TRDN: variants seen among roughly 807,000 people sequenced by gnomAD.
TRDN encodes triadin in skeletal muscle.
In TRDN, 161 loss-of-function variants were observed where a neutral mutation model predicts 149.7. That is an observed-to-expected ratio of 1.08 (90% CI 0.95 to 1.23). The LOEUF (loss-of-function observed/expected upper bound fraction) is 1.23. Among genes scored for constraint, TRDN ranks in the 50% most tolerant of loss-of-function variants. TRDN has a pLI of 0.00. For synonymous variants in TRDN, 294 were observed against 250.5 expected (o/e 1.17, Z -1.64); for missense variants, 896 against 823.5 (o/e 1.09, Z -1.08).
intron 1 of TRDN, among the ~76,000 whole-genome samples, chr6:123,597,385 C>T (rs1784085901): frequency 6.6e-6 from 1 of 152,018 alleles, no homozygotes; most frequent in African/African-American, 2.4e-5. Flanking sequence ...GAATCTACTG[C>T]TGGTAAAGAT....
chr6:123,537,866 C>T (rs565862283), intron 4 of TRDN, among the ~76,000 whole-genome samples: 2 of 152,212 alleles, frequency 1.3e-5, no homozygotes, highest in South Asian at 2.1e-4. Flanking sequence ...TGCTTATGAT[C>T]GTTTTTATCT....
intron 10 of TRDN, among the ~76,000 whole-genome samples, chr6:123,448,669 A>G (rs1349518575): frequency 1.3e-5 from 2 of 150,270 alleles, no homozygotes; most frequent in Non-Finnish European, 3.0e-5. Flanking sequence ...GCAGAAGACA[A>G]AAGGCCACGC....
At position 123,410,569 on chromosome 6, in the gene TRDN, C is replaced by CT. The variant is rs1384713312; in HGVS notation, c.1052-16893dup. ...TTTATTGTGTATCCACAATAAGTGA[C>CT]TAGGGAATTTATGACAGCAACAGCA... On this transcript the variant is annotated intron_variant, in intron 12 of 40. Coordinates refer to ENST00000334268, the MANE Select transcript of TRDN (RefSeq NM_006073.4). 4.6e-5 allele frequency among the ~76,000 whole-genome samples: 7 copies of CT among 152,100 alleles called. No homozygotes were observed. The East Asian group carries it at 9.7e-4, about 21-fold the overall frequency.
intron 2 of TRDN, among the ~76,000 whole-genome samples, chr6:123,553,777 A>T (rs1201565013): frequency 6.6e-6 from 1 of 152,100 alleles, no homozygotes; most frequent in Non-Finnish European, 1.5e-5. Context: ...ATTCACTACC[A>T]CAAGAACAGT....
At chr6:123,343,152 C>T (rs979959500) in intron 21 of TRDN, among the ~76,000 whole-genome samples, 1 of 151,936 alleles carries the variant, frequency 6.6e-6, no homozygotes, top group Non-Finnish European at 1.5e-5. Context: ...TATTTAAATC[C>T]AATGTTTACC....
At chr6:123,608,783 T>C (rs1045646932) in intron 1 of TRDN, among the ~76,000 whole-genome samples, 3 of 152,082 alleles carry the variant, frequency 2.0e-5, no homozygotes, top group African/African-American at 7.2e-5. Flanking sequence ...ATGCTTAAAA[T>C]CATATGTCTT....
intron 2 of TRDN, among the ~76,000 whole-genome samples, chr6:123,564,776 C>T (rs1487062917): frequency 6.6e-6 from 1 of 152,144 alleles, no homozygotes; most frequent in Non-Finnish European, 1.5e-5. Flanking sequence ...ATGTGCCAGG[C>T]ATGTAGGTTT....
At chr6:123,257,960 C>T (rs891172941) in intron 35 of TRDN, among the ~76,000 whole-genome samples, 1 of 152,076 alleles carries the variant, frequency 6.6e-6, no homozygotes, top group African/African-American at 2.4e-5. Context: ...TATAGGATCG[C>T]TTGTGATTTT....
chr6:123,278,354 A>C lies in TRDN; in HGVS notation c.1538-7T>G, dbSNP rs1777452285. The C allele has an allele frequency of 7.8e-7, 1 of 1,280,588 alleles. No homozygotes were observed. Among genetic ancestry groups the C allele is most frequent in the Non-Finnish European group, 1.1e-6 (1 of 945,426 alleles). The allele number at this position is 1,280,588 out of a possible 1,614,324, so 79.3% of individuals were successfully genotyped here. A position where few individuals can be genotyped will look rare whatever the true frequency, so the allele number is the denominator to read the frequency against. ...TCCTTTTTTCCTTGTAGTTCTAAAA[A>C]TATAGATGAACATTAGTAACAATGA... On this transcript the variant is annotated splice_polypyrimidine_tract_variant and splice_region_variant and intron_variant, in intron 25 of 40. Transcript: ENST00000334268.
intron 33 of TRDN, among the ~76,000 whole-genome samples, chr6:123,260,967 G>T (rs1014842547): frequency 7.3e-5 from 11 of 151,664 alleles, no homozygotes; most frequent in South Asian, 6.2e-4. Flanking sequence ...CATTAATTTA[G>T]TGTGTGCATT....
At chr6:123,529,287 C>T (rs1464716022) in intron 5 of TRDN, 1 of 1,548,876 alleles carries the variant, frequency 6.5e-7, no homozygotes, top group South Asian at 1.2e-5. Flanking sequence ...AGAGCTGTGT[C>T]CAACTTCTGT....
chr6:123,484,206 A>T (rs890813585), intron 9 of TRDN, among the ~76,000 whole-genome samples: 1 of 152,182 alleles, frequency 6.6e-6, no homozygotes, highest in African/African-American at 2.4e-5. Flanking sequence ...GAAAATAGCC[A>T]ATTATTTATA....
intron 5 of TRDN, among the ~76,000 whole-genome samples, chr6:123,526,489 T>A (rs1232080815): frequency 6.6e-6 from 1 of 152,088 alleles, no homozygotes; most frequent in African/African-American, 2.4e-5. Flanking sequence ...AAGCCACATG[T>A]TCTTACGTTA....
At chr6:123,473,705 T>C (rs954015783) in intron 9 of TRDN, among the ~76,000 whole-genome samples, 2 of 151,330 alleles carry the variant, frequency 1.3e-5, no homozygotes, top group Admixed American at 1.3e-4. Flanking sequence ...AAAGGTCGGG[T>C]TACCCTCAAA....
intron 12 of TRDN, among the ~76,000 whole-genome samples, chr6:123,431,721 T>C (rs1377163001): frequency 6.6e-6 from 1 of 152,162 alleles, no homozygotes; most frequent in Non-Finnish European, 1.5e-5. Flanking sequence ...AATGTACACA[T>C]AAATATTTAA....
At chr6:123,457,543 T>G (rs938796846) in intron 10 of TRDN, 10 of 441,576 alleles carry the variant, frequency 2.3e-5, no homozygotes, top group African/African-American at 2.0e-4. Flanking sequence ...GAACTCTCAT[T>G]TCTTTCCCTT....
chr6:123,287,929 A>G (rs1281920861), intron 24 of TRDN, among the ~76,000 whole-genome samples: 1 of 151,990 alleles, frequency 6.6e-6, no homozygotes, highest in Non-Finnish European at 1.5e-5. Flanking sequence ...TAGGGACTTT[A>G]GCCTTATTTT....
At chr6:123,391,662 A>C (rs1217961750) in intron 13 of TRDN, among the ~76,000 whole-genome samples, 1 of 152,026 alleles carries the variant, frequency 6.6e-6, no homozygotes, top group Non-Finnish European at 1.5e-5. Flanking sequence ...CTAAATCTTA[A>C]TAATAGTTAT....
intron 4 of TRDN, among the ~76,000 whole-genome samples, chr6:123,541,161 G>T (rs1190345696): frequency 6.6e-6 from 1 of 152,080 alleles, no homozygotes; most frequent in Non-Finnish European, 1.5e-5. Flanking sequence ...TAACACCAAT[G>T]AAATTATTCT....
Sources: allele counts gnomAD v4.1 joint callset (sites outside exome capture counted in the v4.1 genomes callset), GRCh38; gene constraint gnomAD v4.1.1; transcripts MANE v1.5; gene names NCBI Gene and HGNC (gene_info 2026-07-23, HGNC 2026-07-21).